PDE4D: variants seen among roughly 807,000 people sequenced by gnomAD.
PDE4D encodes the protein phosphodiesterase 4D, also known as 3',5'-cyclic-AMP phosphodiesterase 4D.
PDE4D carries 24 observed loss-of-function variants against 87.4 expected under a neutral mutation model. That is an observed-to-expected ratio of 0.27 (90% CI 0.20 to 0.39). The LOEUF is 0.39. Ranked by LOEUF, PDE4D falls within the 10% of genes least tolerant of loss-of-function variation. The pLI is 1.00. For missense variants in PDE4D, 714 were observed against 1,041.0 expected (o/e 0.69, Z 4.32); for synonymous variants, 384 against 383.2 (o/e 1.00, Z -0.02).
intron 1 of PDE4D, among the ~76,000 whole-genome samples, chr5:59,402,237 C>T (rs959467025): frequency 6.6e-6 from 1 of 152,194 alleles, no homozygotes; most frequent in Non-Finnish European, 1.5e-5. Flanking sequence ...AGAGTGACCT[C>T]TTTTCATCCT....
chr5:60,061,132 A>G (rs1378110238), intron 2 of PDE4D, among the ~76,000 whole-genome samples: 1 of 152,162 alleles, frequency 6.6e-6, no homozygotes, highest in Non-Finnish European at 1.5e-5. Flanking sequence ...GAAAAGAGAA[A>G]GTCAAATTGT....
intron 1 of PDE4D, among the ~76,000 whole-genome samples, chr5:59,658,901 G>A (rs1001769631): frequency 2.6e-5 from 4 of 152,130 alleles, no homozygotes; most frequent in African/African-American, 9.7e-5. Context: ...GCTTTAGGAG[G>A]CTGAGGTGGG....
chr5:60,471,236 G>A (rs965140311), intron 1 of PDE4D, among the ~76,000 whole-genome samples: 1 of 152,144 alleles, frequency 6.6e-6, no homozygotes, highest in African/African-American at 2.4e-5. Context: ...TAGAAGTGGA[G>A]CCTGAAGATG....
intron 1 of PDE4D, among the ~76,000 whole-genome samples, chr5:59,582,263 T>C (rs967522902): frequency 1.3e-5 from 2 of 152,206 alleles, no homozygotes; most frequent in Non-Finnish European, 2.9e-5. Flanking sequence ...TCCTTCAACG[T>C]ATACATAGTC....
In PDE4D at chr5:59,312,349, G is replaced by A. The variant is rs994985923; in HGVS notation, c.456-96381C>T. On this transcript the variant is annotated intron_variant, in intron 1 of 14. Transcript: ENST00000340635. ...ATCTGCGGAGCAGCAATCCACTGTC[G>A]AAATGACTTACACCTGGAAAATGCC... Among the ~76,000 whole-genome samples, 11 of 152,274 alleles carry A rather than the reference G, an allele frequency of 7.2e-5. No homozygotes were observed. The East Asian group carries it at 1.6e-3, about 21-fold the overall frequency.
At chr5:59,739,625 T>C (rs1758569036) in intron 1 of PDE4D, among the ~76,000 whole-genome samples, 2 of 152,202 alleles carry the variant, frequency 1.3e-5, no homozygotes, top group African/African-American at 2.4e-5. Context: ...ATATTTGAGA[T>C]GGTGCAGTGA....
intron 1 of PDE4D, chr5:60,460,287 TA>T: frequency 9.7e-7 from 1 of 1,034,326 alleles, no homozygotes; most frequent in Non-Finnish European, 1.5e-6. Flanking sequence ...ATTCTTTGGA[TA>T]GAAGTTTATT....
intron 1 of PDE4D, among the ~76,000 whole-genome samples, chr5:59,529,468 A>G (rs1417714227): frequency 1.3e-5 from 2 of 152,132 alleles, no homozygotes; most frequent in African/African-American, 4.8e-5. Flanking sequence ...ACACATCAAC[A>G]CTGACAAGGA....
At chr5:59,281,765 C>T (rs1024714396) in intron 1 of PDE4D, among the ~76,000 whole-genome samples, 13 of 152,020 alleles carry the variant, frequency 8.6e-5, no homozygotes, top group Non-Finnish European at 1.8e-4. Flanking sequence ...GCTTTCTGTC[C>T]GTATGAATTT....
chr5:60,424,825 T>TTCTTTCC (rs1296911313), intron 1 of PDE4D, among the ~76,000 whole-genome samples: 3 of 152,206 alleles, frequency 2.0e-5, no homozygotes, highest in African/African-American at 7.2e-5. Flanking sequence ...GATAAGCAAC[T>TTCTTTCC]TCAGCGAAGT....
intron 2 of PDE4D, among the ~76,000 whole-genome samples, chr5:60,074,460 G>C (rs967661867): frequency 6.6e-6 from 1 of 152,108 alleles, no homozygotes; most frequent in East Asian, 1.9e-4. Flanking sequence ...GTGCCATTTG[G>C]TGATGAGAAG....
At chr5:59,658,548 A>AT (rs1323537842) in intron 1 of PDE4D, among the ~76,000 whole-genome samples, 2 of 152,032 alleles carry the variant, frequency 1.3e-5, no homozygotes, top group African/African-American at 4.8e-5. Context: ...CGCCCAGCTA[A>AT]TTTTTTGTAT....
intron 1 of PDE4D, among the ~76,000 whole-genome samples, chr5:59,392,657 T>C (rs937082878): frequency 6.6e-6 from 1 of 152,104 alleles, no homozygotes; most frequent in African/African-American, 2.4e-5. Context: ...TATTTTCACA[T>C]GATAACAACT....
At chr5:59,054,860 A>C (rs1030063148) in intron 5 of PDE4D, among the ~76,000 whole-genome samples, 14 of 152,294 alleles carry the variant, frequency 9.2e-5, no homozygotes, top group Middle Eastern at 6.8e-3. Context: ...TGCTTAATAA[A>C]TGTTAGTTTT....
At chr5:59,263,073 G>A (rs1762291988) in intron 1 of PDE4D, among the ~76,000 whole-genome samples, 1 of 151,858 alleles carries the variant, frequency 6.6e-6, no homozygotes, top group Non-Finnish European at 1.5e-5. Context: ...GCCATAAAGA[G>A]TAACTACTGT....
intron 1 of PDE4D, among the ~76,000 whole-genome samples, chr5:60,205,079 C>T (rs1472259914): frequency 6.6e-6 from 1 of 152,168 alleles, no homozygotes; most frequent in African/African-American, 2.4e-5. Flanking sequence ...CCCCACCTTC[C>T]TTGTCTTCCA....
intron 1 of PDE4D, among the ~76,000 whole-genome samples, chr5:60,210,851 A>T (rs1743118760): frequency 6.6e-6 from 1 of 152,078 alleles, no homozygotes; most frequent in Non-Finnish European, 1.5e-5. Context: ...AGGGACCAAG[A>T]ACAGTTTCAC....
At chr5:59,662,412 G>C (rs183914434) in intron 1 of PDE4D, among the ~76,000 whole-genome samples, 247 of 152,290 alleles carry the variant, frequency 1.6e-3, no homozygotes, top group African/African-American at 5.7e-3. Flanking sequence ...GTGATTATCT[G>C]TAACCTTATT....
chr5:60,417,537 T>TA (rs1742714880), intron 1 of PDE4D, among the ~76,000 whole-genome samples: 1 of 152,162 alleles, frequency 6.6e-6, no homozygotes, highest in African/African-American at 2.4e-5. Context: ...TTTCAAGCCA[T>TA]TCAGTTACAG....
Sources: allele counts gnomAD v4.1 joint callset (sites outside exome capture counted in the v4.1 genomes callset), GRCh38; gene constraint gnomAD v4.1.1; transcripts MANE v1.5; gene names NCBI Gene and HGNC (gene_info 2026-07-23, HGNC 2026-07-21).